Variants in NOL4L observed in about 807,000 individuals in gnomAD.
NOL4L encodes nucleolar protein 4 like.
A neutral mutation model predicts 64.5 loss-of-function variants in NOL4L; 7 were observed. The observed-to-expected ratio is 0.11, with a 90% CI of 0.06 to 0.20. The LOEUF is 0.20. Among genes scored for constraint, NOL4L ranks in the 10% least tolerant of loss-of-function variants. The pLI is 1.00. For synonymous variants in NOL4L, 413 were observed against 401.0 expected, an observed-to-expected ratio of 1.03 and a Z score of -0.36; for missense variants, 680 against 967.1, an observed-to-expected ratio of 0.70 and a Z score of 3.94.
At chr20:32,571,350 G>A (rs753838864) in intron 1 of NOL4L, among the ~76,000 whole-genome samples, 8 of 152,182 alleles carry the variant, frequency 5.3e-5, no homozygotes, top group Non-Finnish European at 1.0e-4. Context: ...ACAACGCCTG[G>A]CTAATTTTTG....
At chr20:32,462,820 G>A (rs553416859) in intron 5 of NOL4L, among the ~76,000 whole-genome samples, 14 of 149,864 alleles carry the variant, frequency 9.3e-5, no homozygotes, top group African/African-American at 2.7e-4. Context: ...CAGGAGAATC[G>A]CTTGAACCCG....
intron 1 of NOL4L, among the ~76,000 whole-genome samples, chr20:32,547,670 A>G (rs1171823433): frequency 6.6e-6 from 1 of 152,124 alleles, no homozygotes; most frequent in African/African-American, 2.4e-5. Flanking sequence ...GAAGCACCCA[A>G]GTTGCAGGTG....
At chr20:32,450,483 G>A (rs2012778326) in intron 10 of NOL4L, 1 of 152,290 alleles carries the variant, frequency 6.6e-6, no homozygotes. Flanking sequence ...GGTATTCACA[G>A]ATGGGAGACT....
At chr20:32,535,946 G>A (rs1838466732) in intron 1 of NOL4L, 1 of 985,694 alleles carries the variant, frequency 1.0e-6, no homozygotes, top group Non-Finnish European at 1.2e-6. Flanking sequence ...GGCCTGGCGG[G>A]GGCAGGGAGA....
At chr20:32,580,828 G>GA (rs1284537425) in intron 1 of NOL4L, among the ~76,000 whole-genome samples, 1 of 152,326 alleles carries the variant, frequency 6.6e-6, no homozygotes, top group East Asian at 1.9e-4. Context: ...CTGATCCTAG[G>GA]AACTGACAGA....
intron 1 of NOL4L, among the ~76,000 whole-genome samples, chr20:32,552,135 C>T (rs1054946528): frequency 1.3e-5 from 2 of 151,910 alleles, no homozygotes; most frequent in African/African-American, 4.8e-5. Context: ...TGAATTATAT[C>T]TCAAAAAAAT....
At chr20:32,447,913 G>T in intron 10 of NOL4L, 97 bp from the exon 11 acceptor site, 1 of 1,437,060 alleles carries the variant, frequency 7.0e-7, no homozygotes, top group Non-Finnish European at 9.2e-7. Context: ...ATGGCCTAGT[G>T]CCCACTGTGA....
chr20:32,575,039 C>G (rs1980006119), intron 1 of NOL4L, among the ~76,000 whole-genome samples: 2 of 152,160 alleles, frequency 1.3e-5, no homozygotes, highest in Admixed American at 1.3e-4. Context: ...GCCTTTCTCC[C>G]CTCACCTCAC....
chr20:32,470,045 C>T (rs973769101), intron 5 of NOL4L, among the ~76,000 whole-genome samples: 4 of 152,236 alleles, frequency 2.6e-5, no homozygotes, highest in African/African-American at 9.6e-5. Flanking sequence ...CTGCCCCAGC[C>T]AGGGCTCCAC....
chr20:32,565,642 C>T (rs1979383246), intron 1 of NOL4L, among the ~76,000 whole-genome samples: 1 of 152,212 alleles, frequency 6.6e-6, no homozygotes, highest in African/African-American at 2.4e-5. Context: ...TAAACTGGGG[C>T]TATTACTTCT....
intron 4 of NOL4L, among the ~76,000 whole-genome samples, chr20:32,494,278 A>AAC (rs2016592998): frequency 1.2e-5 from 1 of 84,716 alleles, no homozygotes; most frequent in Non-Finnish European, 2.6e-5. Context: ...AAAAAAAAAA[A>AAC]AAAACACACA....
At chr20:32,468,475 A>C (rs2014734745) in intron 5 of NOL4L, among the ~76,000 whole-genome samples, 1 of 152,130 alleles carries the variant, frequency 6.6e-6, no homozygotes, top group Non-Finnish European at 1.5e-5. Flanking sequence ...ATCTCTGCCA[A>C]GAGTGACTCA....
At chr20:32,525,247 GT>G (rs2018089835) in intron 2 of NOL4L, among the ~76,000 whole-genome samples, 1 of 152,246 alleles carries the variant, frequency 6.6e-6, no homozygotes, top group African/African-American at 2.4e-5. Flanking sequence ...AAGAGTGCCT[GT>G]GGACGAGGCT....
At position 32,455,668 on chromosome 20, in the gene NOL4L, A is replaced by G. The variant is rs576414052; in HGVS notation, c.1119+450T>C. ...CGTCCATCAGCCTAGTCAAAGGAGG[A>G]GTTCCACTGCCCACATCCCTGGGCC... is the stretch of plus-strand genomic sequence containing the variant. On this transcript the variant is annotated intron_variant, in intron 6 of 10. Coordinates refer to ENST00000621426, the MANE Select transcript of NOL4L (RefSeq NM_001256798.2). 6.9e-4 allele frequency among the ~76,000 whole-genome samples: 105 copies of G among 152,240 alleles called. No homozygotes were observed. In the Middle Eastern group the frequency reaches 0.01, roughly 15 times the overall value.
intron 1 of NOL4L, among the ~76,000 whole-genome samples, chr20:32,579,496 C>A (rs6119909): frequency 3.3e-5 from 5 of 151,852 alleles, no homozygotes; most frequent in African/African-American, 4.8e-5. Flanking sequence ...TCCCCACCCC[C>A]CAATCCTCCC....
At chr20:32,452,082 G>A (rs990003718) in intron 10 of NOL4L, among the ~76,000 whole-genome samples, 154 bp downstream of exon 10, 6 of 152,206 alleles carry the variant, frequency 3.9e-5, no homozygotes, top group Non-Finnish European at 7.3e-5. Flanking sequence ...GTGGAAGGGT[G>A]CCAGAGCCGC....
chr20:32,532,375 G>A, intron 1 of NOL4L: 1 of 985,378 alleles, frequency 1.0e-6, no homozygotes, highest in Non-Finnish European at 1.2e-6. Context: ...TACACCCTAG[G>A]GGAAGAACGC....
chr20:32,584,494 A>AC (rs2145631450), intron 1 of NOL4L, 76 bp downstream of exon 1: 66 of 1,040,930 alleles, frequency 6.3e-5, no homozygotes, highest in East Asian at 2.2e-4. Context: ...ACACATCCAC[A>AC]CCCCCACCCC....
chr20:32,537,598 G>A (rs2018569865), intron 1 of NOL4L, among the ~76,000 whole-genome samples: 1 of 152,122 alleles, frequency 6.6e-6, no homozygotes, highest in Non-Finnish European at 1.5e-5. Context: ...ACCAACTACT[G>A]GGCTCCATTA....
Sources: gnomAD v4.1 joint callset for allele counts (sites outside exome capture counted in the v4.1 genomes callset) on GRCh38, gnomAD v4.1.1 for gene constraint, MANE v1.5 for transcripts, NCBI Gene and HGNC (gene_info 2026-07-23, HGNC 2026-07-21) for gene names.